CEP192: variants seen among roughly 807,000 people sequenced by gnomAD.
The protein encoded by CEP192 is centrosomal protein of 192 kDa.
In CEP192, 151 loss-of-function variants were observed where a neutral mutation model predicts 271.8. That is an observed-to-expected ratio of 0.56 (90% CI 0.49 to 0.64). The LOEUF (loss-of-function observed/expected upper bound fraction) is 0.64. Ranked by LOEUF, CEP192 falls within the 30% of genes least tolerant of loss-of-function variation. The pLI, the probability that CEP192 is intolerant of heterozygous loss-of-function variation, is 0.00. For missense variants in CEP192, 2,910 were observed against 3,020.5 expected (o/e 0.96, Z 0.86); for synonymous variants, 995 against 1,076.5 (o/e 0.92, Z 1.48).
chr18:13,083,504 T>C (rs1023743687), intron 30 of CEP192, among the ~76,000 whole-genome samples: 3 of 152,230 alleles, frequency 2.0e-5, no homozygotes, highest in African/African-American at 7.2e-5. Flanking sequence ...TTATTCTAGT[T>C]AGCCATTCGT....
chr18:13,108,745 C>T (rs1453568546), intron 40 of CEP192, among the ~76,000 whole-genome samples: 2 of 152,080 alleles, frequency 1.3e-5, no homozygotes, highest in East Asian at 1.9e-4. Context: ...CATGGTGGCA[C>T]GCACCTGTAG....
At chr18:12,993,900 C>A (rs2033045448) in intron 1 of CEP192, among the ~76,000 whole-genome samples, 1 of 152,152 alleles carries the variant, frequency 6.6e-6, no homozygotes, top group Non-Finnish European at 1.5e-5. Flanking sequence ...TTTCTTAAAA[C>A]TCGTTTTTTC....
intron 34 of CEP192, among the ~76,000 whole-genome samples, chr18:13,094,973 G>T (rs1215724169): frequency 6.6e-6 from 1 of 152,062 alleles, no homozygotes; most frequent in African/African-American, 2.4e-5. Flanking sequence ...TGCTGCTGAC[G>T]CAGACTGGCT....
intron 4 of CEP192, among the ~76,000 whole-genome samples, chr18:13,011,056 G>A (rs1169837372): frequency 1.3e-5 from 2 of 151,786 alleles, no homozygotes; most frequent in African/African-American, 4.8e-5. Flanking sequence ...GTGAACCCCT[G>A]CCTCTACTAA....
rs779313806 is a variant in CEP192, at chr18:13,056,553, A to G, written c.3963A>G (p.Gly1321=). 6.2e-7 allele frequency: 1 copy of G among 1,614,138 alleles called. No individual in the cohort carries two copies. The highest frequency in any genetic ancestry group is 1.7e-5 in the Admixed American group (1 of 60,024). Reference sequence around the variant, plus strand: ...GTCTAGGATCAAATATCGGCTCTGGATGGATGGGTACCTCTTCCCTCTGTA... The same window carrying G: ...GTCTAGGATCAAATATCGGCTCTGGGTGGATGGGTACCTCTTCCCTCTGTA... ...GICLGSNIGS[G]WMGTSSLCNP... Residue 1321 remains glycine (G), a synonymous_variant, in exon 19 of 45, where the codon GGA becomes GGG. Transcript: ENST00000506447.
chr18:13,104,916 A>G (rs2039880901), intron 39 of CEP192, 68 bp from the exon 40 acceptor site: 2 of 1,130,266 alleles, frequency 1.8e-6, no homozygotes, highest in Non-Finnish European at 2.7e-6. Flanking sequence ...CATAGAGGTA[A>G]TAGTGTCTCT....
intron 44 of CEP192, among the ~76,000 whole-genome samples, chr18:13,122,418 C>G (rs974159428): frequency 2.0e-5 from 3 of 151,000 alleles, no homozygotes; most frequent in Non-Finnish European, 4.4e-5. Flanking sequence ...GAGACACCGT[C>G]TCAAAAAAAC....
chr18:13,071,345 A>G (rs1468833982), intron 28 of CEP192, 133 bp downstream of exon 28: 1 of 703,370 alleles, frequency 1.4e-6, no homozygotes, highest in East Asian at 2.7e-5. Flanking sequence ...GGAAAAACCT[A>G]GATGGGCACG....
chr18:13,092,732 C>T (rs1293723701), intron 34 of CEP192, among the ~76,000 whole-genome samples: 1 of 152,178 alleles, frequency 6.6e-6, no homozygotes, highest in Non-Finnish European at 1.5e-5. Flanking sequence ...ATACTCTGCA[C>T]TCAGACTCAC....
intron 11 of CEP192, among the ~76,000 whole-genome samples, chr18:13,031,077 C>A (rs1201981259): frequency 6.6e-6 from 1 of 152,066 alleles, no homozygotes; most frequent in African/African-American, 2.4e-5. Flanking sequence ...TTAGCATCAT[C>A]CCCGACAGTG....
intron 9 of CEP192, among the ~76,000 whole-genome samples, chr18:13,023,180 G>A (rs2035089738): frequency 2.0e-5 from 3 of 151,588 alleles, no homozygotes; most frequent in Admixed American, 2.0e-4. Context: ...TTGTCTTATT[G>A]CATTAGATAG....
intron 32 of CEP192, among the ~76,000 whole-genome samples, chr18:13,089,087 T>C (rs1368187727): frequency 6.6e-5 from 10 of 152,230 alleles, no homozygotes; most frequent in Non-Finnish European, 1.0e-4. Flanking sequence ...AACATAGTTA[T>C]ATGGTAATTT....
chr18:13,066,230 A>G (rs1205474567), intron 21 of CEP192, among the ~76,000 whole-genome samples: 1 of 152,258 alleles, frequency 6.6e-6, no homozygotes, highest in East Asian at 1.9e-4. Flanking sequence ...CATTGTTAAC[A>G]GATTTATCAA....
chr18:13,124,089 G>A (rs1423864759), intron 44 of CEP192, among the ~76,000 whole-genome samples: 1 of 152,122 alleles, frequency 6.6e-6, no homozygotes, highest in African/African-American at 2.4e-5. Context: ...GAATCTGGGA[G>A]GTAGAAGTTG....
chr18:13,076,822 C>T (rs570482899), intron 30 of CEP192, among the ~76,000 whole-genome samples: 24 of 152,118 alleles, frequency 1.6e-4, no homozygotes, highest in Admixed American at 1.0e-3. Context: ...CTCACTCTGT[C>T]GCCCAGCCTG....
chr18:13,071,744 G>A (rs1041009609), intron 28 of CEP192, among the ~76,000 whole-genome samples: 1 of 151,890 alleles, frequency 6.6e-6, no homozygotes, highest in Admixed American at 6.6e-5. Flanking sequence ...GAGACTCCCT[G>A]TATTGTACAG....
At chr18:13,007,485 C>T (rs1251197247) in intron 3 of CEP192, among the ~76,000 whole-genome samples, 1 of 152,120 alleles carries the variant, frequency 6.6e-6, no homozygotes, top group Non-Finnish European at 1.5e-5. Context: ...GGAAATTGAC[C>T]TAACTGTCCT....
At chr18:12,992,635 A>G (rs1258015965) in intron 1 of CEP192, among the ~76,000 whole-genome samples, 1 of 152,216 alleles carries the variant, frequency 6.6e-6, no homozygotes, top group Non-Finnish European at 1.5e-5. Flanking sequence ...TCCTTTAGGA[A>G]TGTGTTATGT....
At chr18:12,992,905 T>TA (rs1346580381) in intron 1 of CEP192, among the ~76,000 whole-genome samples, 5 of 152,232 alleles carry the variant, frequency 3.3e-5, no homozygotes, top group Non-Finnish European at 7.3e-5. Context: ...GACCTTTGCA[T>TA]AATTTCTGAG....
Sources: allele counts gnomAD v4.1 joint callset (sites outside exome capture counted in the v4.1 genomes callset), GRCh38; gene constraint gnomAD v4.1.1; transcripts MANE v1.5; gene names NCBI Gene and HGNC (gene_info 2026-07-23, HGNC 2026-07-21).